Variants in TENM2 observed in about 807,000 individuals in gnomAD.
The protein encoded by TENM2 is teneurin transmembrane protein 2, also known as teneurin-2.
In TENM2, 52 loss-of-function variants were observed where a neutral mutation model predicts 245.2. The observed-to-expected ratio is 0.21, with a 90% CI of 0.17 to 0.27. TENM2 has a LOEUF of 0.27. Among genes scored for constraint, TENM2 ranks in the 10% least tolerant of loss-of-function variants. TENM2 has a pLI of 1.00. For missense variants in TENM2, 3,046 were observed against 3,666.8 expected, an observed-to-expected ratio of 0.83 and a Z score of 4.37; for synonymous variants, 1,363 against 1,438.9, an observed-to-expected ratio of 0.95 and a Z score of 1.19.
chr5:167,673,863 T>C (rs1756130894), intron 2 of TENM2, among the ~76,000 whole-genome samples: 1 of 152,086 alleles, frequency 6.6e-6, no homozygotes, highest in Non-Finnish European at 1.5e-5. Context: ...AAAATAATAT[T>C]GTGTGCTCTT....
At chr5:167,424,927 C>T (rs921248362) in intron 2 of TENM2, among the ~76,000 whole-genome samples, 3 of 152,110 alleles carry the variant, frequency 2.0e-5, no homozygotes, top group Non-Finnish European at 4.4e-5. Context: ...AAAAATCATG[C>T]ATCCATATCA....
chr5:166,999,588 A>G, the TENM2 span, among the ~76,000 whole-genome samples: 1 of 152,136 alleles, frequency 6.6e-6, no homozygotes, highest in Admixed American at 6.6e-5. Flanking sequence ...GGGATCTAGA[A>G]CATACTTAGG....
At chr5:168,167,342 G>C (rs772157237) in intron 13 of TENM2, among the ~76,000 whole-genome samples, 30 of 151,934 alleles carry the variant, frequency 2.0e-4, no homozygotes, top group Non-Finnish European at 2.9e-4. Flanking sequence ...AGACTGTCTG[G>C]CCTGGTGAGA....
intron 1 of TENM2, among the ~76,000 whole-genome samples, chr5:167,303,977 A>G: frequency 6.6e-6 from 1 of 152,218 alleles, no homozygotes; most frequent in Non-Finnish European, 1.5e-5. Flanking sequence ...AAATCCCCAG[A>G]TTTAAAATGG....
chr5:167,093,685 T>A, the TENM2 span, among the ~76,000 whole-genome samples: 1 of 152,208 alleles, frequency 6.6e-6, no homozygotes. Flanking sequence ...AGTCTTGGAC[T>A]TTGTACCTTA....
chr5:167,665,898 C>T lies in TENM2; in HGVS notation c.503-210088C>T, dbSNP rs146651159. Among the ~76,000 whole-genome samples the T allele has an allele frequency of 4.6e-5, 7 of 152,212 alleles. No homozygotes were observed. The East Asian group carries it at 9.7e-4, about 21-fold the overall frequency. ...TTCTAAATACAATCAGATCAAAAATCGCCAACATCATTCTCATTCCTCTCC... is the reference window on the plus strand; with the variant it reads ...TTCTAAATACAATCAGATCAAAAATTGCCAACATCATTCTCATTCCTCTCC... On this transcript the variant is annotated intron_variant, in intron 2 of 28. Coordinates refer to ENST00000518659, the Ensembl canonical transcript of TENM2.
At chr5:167,964,672 C>T (rs550290998) in intron 4 of TENM2, among the ~76,000 whole-genome samples, 16 of 152,124 alleles carry the variant, frequency 1.1e-4, no homozygotes, top group Non-Finnish European at 2.2e-4. Context: ...AAGAAATGGA[C>T]ATTTAAGCTG....
At chr5:167,133,996 C>A in the TENM2 span, among the ~76,000 whole-genome samples, 1 of 152,152 alleles carries the variant, frequency 6.6e-6, no homozygotes. Context: ...GTGTTCACAG[C>A]AGACCACAGA....
intron 2 of TENM2, among the ~76,000 whole-genome samples, chr5:167,788,997 C>G (rs1462232146): frequency 6.6e-6 from 1 of 152,170 alleles, no homozygotes; most frequent in Non-Finnish European, 1.5e-5. Flanking sequence ...AGCTCTACCC[C>G]ACTAGATCTA....
chr5:167,350,692 G>A (rs1581808976), intron 1 of TENM2, among the ~76,000 whole-genome samples: 1 of 131,730 alleles, frequency 7.6e-6, no homozygotes, highest in South Asian at 2.5e-4. Flanking sequence ...TATATATATG[G>A]GATACATATA....
At chr5:167,463,209 A>G (rs1766433457) in intron 2 of TENM2, among the ~76,000 whole-genome samples, 1 of 152,168 alleles carries the variant, frequency 6.6e-6, no homozygotes, top group South Asian at 2.1e-4. Context: ...TTTCAGTATC[A>G]GTGTCATAAA....
chr5:167,564,832 A>C (rs531924820), intron 2 of TENM2, among the ~76,000 whole-genome samples: 10 of 152,356 alleles, frequency 6.6e-5, no homozygotes, highest in African/African-American at 2.4e-4. Flanking sequence ...CCCTATGCTC[A>C]AGAACTTCTT....
intron 2 of TENM2, among the ~76,000 whole-genome samples, chr5:167,635,624 C>G (rs182443681): frequency 9.0e-5 from 11 of 122,894 alleles, no homozygotes; most frequent in Non-Finnish European, 1.3e-4. Flanking sequence ...TGGCTATGAT[C>G]AGTACAGTCT....
chr5:167,867,338 G>A (rs1240388091), intron 2 of TENM2, among the ~76,000 whole-genome samples: 2 of 152,150 alleles, frequency 1.3e-5, no homozygotes, highest in African/African-American at 4.8e-5. Context: ...AGGGAGATGT[G>A]ATATATAAAT....
intron 2 of TENM2, among the ~76,000 whole-genome samples, chr5:167,579,712 C>G (rs546715341): frequency 6.6e-6 from 1 of 152,192 alleles, no homozygotes; most frequent in African/African-American, 2.4e-5. Context: ...CTGTACCTCC[C>G]TTTTCTTCCT....
At chr5:167,679,442 A>G (rs1436456766) in intron 2 of TENM2, among the ~76,000 whole-genome samples, 1 of 152,164 alleles carries the variant, frequency 6.6e-6, no homozygotes, top group Non-Finnish European at 1.5e-5. Context: ...CTATAGATGA[A>G]CTTCTTTTGA....
chr5:168,065,854 G>GTTTTTTTTTTTTTT (rs546874434), intron 7 of TENM2, among the ~76,000 whole-genome samples: 1 of 144,140 alleles, frequency 6.9e-6, no homozygotes, highest in Non-Finnish European at 1.5e-5. Flanking sequence ...AAGAACAAAG[G>GTTTTTTTTTTTTTT]TTTTTTTTTT....
At chr5:167,122,550 G>A in the TENM2 span, among the ~76,000 whole-genome samples, 1 of 152,180 alleles carries the variant, frequency 6.6e-6, no homozygotes, top group African/African-American at 2.4e-5. Flanking sequence ...AGGCAAATGT[G>A]TAAATGGATG....
chr5:167,175,832 C>T, the TENM2 span, among the ~76,000 whole-genome samples: 1 of 152,198 alleles, frequency 6.6e-6, no homozygotes, highest in African/African-American at 2.4e-5. Flanking sequence ...GCCTCAGCCC[C>T]CCGAGTAGCT....
Sources: allele counts gnomAD v4.1 joint callset (sites outside exome capture counted in the v4.1 genomes callset), GRCh38; gene constraint gnomAD v4.1.1; transcripts MANE v1.5; gene names NCBI Gene and HGNC (gene_info 2026-07-23, HGNC 2026-07-21).